The following CEP63 variants were observed in gnomAD, a reference collection of about 807,000 sequenced individuals.
The protein encoded by CEP63 is centrosomal protein 63.
Under a neutral mutation model 89.1 loss-of-function variants are expected in CEP63, and 84 were observed. That is an observed-to-expected ratio of 0.94 (90% CI 0.79 to 1.13). The LOEUF is 1.13. Ranked by LOEUF, CEP63 falls within the 50% of genes most tolerant of loss-of-function variation. CEP63 has a pLI of 0.00. For synonymous variants in CEP63, 267 were observed against 272.5 expected (o/e 0.98, Z 0.20); for missense variants, 838 against 813.3 (o/e 1.03, Z -0.37).
downstream of CEP63, among the ~76,000 whole-genome samples, chr3:134,592,412 A>C (rs1288099465): frequency 1.3e-5 from 2 of 151,794 alleles, no homozygotes; most frequent in Admixed American, 1.3e-4. Context: ...TGAATGTAGG[A>C]GCACCAAAGA....
chr3:134,692,861 C>G, the CEP63 span, among the ~76,000 whole-genome samples: 1 of 152,202 alleles, frequency 6.6e-6, no homozygotes, highest in Non-Finnish European at 1.5e-5. Context: ...TAACACTCTT[C>G]TGGGTACATA....
chr3:134,747,989 T>C, the CEP63 span, among the ~76,000 whole-genome samples: 91 of 152,304 alleles, frequency 6.0e-4, no homozygotes, highest in African/African-American at 2.0e-3. Flanking sequence ...TTTCACCATA[T>C]TGGCCAGGCT....
At chr3:134,726,001 T>A in the CEP63 span, among the ~76,000 whole-genome samples, 2 of 152,184 alleles carry the variant, frequency 1.3e-5, no homozygotes, top group Non-Finnish European at 2.9e-5. Flanking sequence ...ATAATGTTTG[T>A]TGATTATTTT....
the CEP63 span, among the ~76,000 whole-genome samples, chr3:134,625,792 C>G: frequency 3.3e-5 from 5 of 152,256 alleles, no homozygotes; most frequent in African/African-American, 1.2e-4. Context: ...AAGGCTGGGC[C>G]TCCAAATCAC....
chr3:134,711,827 A>G, the CEP63 span, among the ~76,000 whole-genome samples: 13 of 150,890 alleles, frequency 8.6e-5, no homozygotes, highest in African/African-American at 2.9e-4. Context: ...CAGTGGTGCA[A>G]TCTTGGCTCA....
chr3:134,533,619 T>C (rs1950243521), intron 5 of CEP63, among the ~76,000 whole-genome samples: 1 of 152,220 alleles, frequency 6.6e-6, no homozygotes, highest in Non-Finnish European at 1.5e-5. Flanking sequence ...GTCATTCTCT[T>C]CGTCTGTCCT....
the CEP63 span, among the ~76,000 whole-genome samples, chr3:134,661,579 A>T: frequency 6.6e-6 from 1 of 152,186 alleles, no homozygotes; most frequent in Non-Finnish European, 1.5e-5. Flanking sequence ...AAGAGAAGAA[A>T]CACAAAGAAT....
chr3:134,657,082 A>T, the CEP63 span, among the ~76,000 whole-genome samples: 2 of 152,200 alleles, frequency 1.3e-5, no homozygotes, highest in Non-Finnish European at 2.9e-5. Flanking sequence ...GAAACTGGGA[A>T]GAAAAAGAGG....
At chr3:134,640,463 G>A in the CEP63 span, among the ~76,000 whole-genome samples, 6 of 152,122 alleles carry the variant, frequency 3.9e-5, no homozygotes, top group South Asian at 6.2e-4. Flanking sequence ...GAGGTGAGCC[G>A]TGAGAGGGGC....
chr3:134,502,949 A>G (rs375261300), intron 2 of CEP63, among the ~76,000 whole-genome samples: 1 of 152,056 alleles, frequency 6.6e-6, no homozygotes, highest in South Asian at 2.1e-4. Flanking sequence ...AACATGGCAA[A>G]GAATTTTTTC....
At chr3:134,655,303 T>C in the CEP63 span, among the ~76,000 whole-genome samples, 2 of 152,176 alleles carry the variant, frequency 1.3e-5, no homozygotes, top group Admixed American at 1.3e-4. Flanking sequence ...CACTGCTCTG[T>C]GGCCACTGTT....
Position 134,561,647 on chromosome 3 carries a change from A to G in CEP63, c.*112A>G. On this transcript the variant is annotated 3_prime_UTR_variant, in exon 15 of 15. Coordinates refer to ENST00000675561, the MANE Select transcript of CEP63 (RefSeq NM_001353108.3). ...AGAGATAAAATTATAAAAATGATACATCTAAAGCAGTGGTGAAGAAAGCTG... is the reference window on the plus strand; with the variant it reads ...AGAGATAAAATTATAAAAATGATACGTCTAAAGCAGTGGTGAAGAAAGCTG... 6.6e-7 allele frequency: 1 copy of G among 1,512,486 alleles called. No individual in the cohort carries two copies. The highest frequency in any genetic ancestry group is 8.8e-7 in the Non-Finnish European group (1 of 1,133,046). The allele number at this position is 1,512,486 out of a possible 1,614,324, so 93.7% of individuals were successfully genotyped here. A position where few individuals can be genotyped will look rare whatever the true frequency, so the allele number is the denominator to read the frequency against.
the CEP63 span, among the ~76,000 whole-genome samples, chr3:134,664,147 T>G: frequency 6.6e-6 from 1 of 152,228 alleles, no homozygotes; most frequent in Non-Finnish European, 1.5e-5. Flanking sequence ...ATTTACCGCC[T>G]GCTCTTTGCT....
At chr3:134,752,506 C>A in the CEP63 span, among the ~76,000 whole-genome samples, 2 of 152,236 alleles carry the variant, frequency 1.3e-5, no homozygotes, top group East Asian at 1.9e-4. Context: ...CATTTCGCAG[C>A]GGTGGACAGC....
intron 2 of CEP63, among the ~76,000 whole-genome samples, chr3:134,499,866 C>T (rs1246253019): frequency 7.1e-6 from 1 of 141,708 alleles, no homozygotes; most frequent in East Asian, 2.0e-4. Flanking sequence ...CTCTGTTGCC[C>T]AGGCTGGAGT....
the CEP63 span, among the ~76,000 whole-genome samples, chr3:134,739,730 G>T: frequency 1.4e-5 from 2 of 145,480 alleles, no homozygotes. Context: ...AGGGACACAT[G>T]CATAGCAAAA....
the CEP63 span, among the ~76,000 whole-genome samples, chr3:134,752,806 C>T: frequency 6.6e-6 from 1 of 152,094 alleles, no homozygotes; most frequent in African/African-American, 2.4e-5. Context: ...GTGAGGGCTC[C>T]TTGGTAATTG....
At chr3:134,641,675 A>C in the CEP63 span, among the ~76,000 whole-genome samples, 1 of 152,212 alleles carries the variant, frequency 6.6e-6, no homozygotes, top group Non-Finnish European at 1.5e-5. Flanking sequence ...ATTTGTGGAA[A>C]TTTCCTGTAG....
chr3:134,549,469 C>G (rs113058171), intron 10 of CEP63, among the ~76,000 whole-genome samples: 190 of 152,274 alleles, frequency 1.2e-3, no homozygotes, highest in African/African-American at 4.4e-3. Context: ...GACATACACT[C>G]TGTTGCTTGC....
Sources: allele counts gnomAD v4.1 joint callset (sites outside exome capture counted in the v4.1 genomes callset), GRCh38; gene constraint gnomAD v4.1.1; transcripts MANE v1.5; gene names NCBI Gene and HGNC (gene_info 2026-07-23, HGNC 2026-07-21).